RIT2: variants seen among roughly 807,000 people sequenced by gnomAD.
RIT2 encodes the protein GTP-binding protein Rit2.
Under a neutral mutation model 23.7 loss-of-function variants are expected in RIT2, and 24 were observed. That is an observed-to-expected ratio of 1.01 (90% CI 0.73 to 1.43). The LOEUF (loss-of-function observed/expected upper bound fraction) is 1.43. Among genes scored for constraint, RIT2 ranks in the 40% most tolerant of loss-of-function variants. The pLI, the probability that RIT2 is intolerant of heterozygous loss-of-function variation, is 0.00. For synonymous variants in RIT2, 107 were observed against 91.1 expected, an observed-to-expected ratio of 1.17 and a Z score of -0.99; for missense variants, 236 against 266.9, an observed-to-expected ratio of 0.88 and a Z score of 0.81.
At chr18:42,945,679 T>A (rs569670320) in intron 3 of RIT2, among the ~76,000 whole-genome samples, 17 of 152,248 alleles carry the variant, frequency 1.1e-4, no homozygotes, top group Admixed American at 1.1e-3. Flanking sequence ...CTTTTTTAAA[T>A]TTCTGTTCTC....
intron 4 of RIT2, among the ~76,000 whole-genome samples, chr18:42,849,654 G>C (rs913106694): frequency 6.6e-6 from 1 of 152,162 alleles, no homozygotes; most frequent in South Asian, 2.1e-4. Context: ...TCAACAATCA[G>C]AAAAATGTGA....
chr18:42,898,772 T>C (rs868776471), intron 4 of RIT2, among the ~76,000 whole-genome samples: 29 of 152,338 alleles, frequency 1.9e-4, no homozygotes, highest in Admixed American at 6.5e-4. Flanking sequence ...TTGTCTATTA[T>C]GACAGACAAA....
At chr18:43,064,752 A>G (rs1912730734) in intron 1 of RIT2, among the ~76,000 whole-genome samples, 1 of 152,182 alleles carries the variant, frequency 6.6e-6, no homozygotes, top group South Asian at 2.1e-4. Context: ...GCCAGACATC[A>G]CTTTACCTAA....
At chr18:42,837,477 A>T (rs1038771189) in intron 4 of RIT2, among the ~76,000 whole-genome samples, 4 of 151,840 alleles carry the variant, frequency 2.6e-5, no homozygotes, top group African/African-American at 9.7e-5. Context: ...TCTTTTTTAA[A>T]AAAAAAAATG....
intron 1 of RIT2, among the ~76,000 whole-genome samples, chr18:43,053,037 T>C (rs1176029452): frequency 6.6e-6 from 1 of 152,064 alleles, no homozygotes; most frequent in Non-Finnish European, 1.5e-5. Flanking sequence ...GGAAACACTA[T>C]TTGAATCCAG....
At chr18:42,908,096 A>G (rs2144115482) in intron 4 of RIT2, among the ~76,000 whole-genome samples, 1 of 152,050 alleles carries the variant, frequency 6.6e-6, no homozygotes, top group East Asian at 1.9e-4. Flanking sequence ...AAAGAATCTA[A>G]TAGAAATTGT....
chr18:42,850,986 T>C (rs1362419981), intron 4 of RIT2, among the ~76,000 whole-genome samples: 1 of 152,218 alleles, frequency 6.6e-6, no homozygotes, highest in African/African-American at 2.4e-5. Flanking sequence ...ATTTTTCATA[T>C]CTTCCACATT....
intron 3 of RIT2, among the ~76,000 whole-genome samples, chr18:42,929,034 G>GAGATATATATATATATAT (rs1555647353): frequency 2.2e-4 from 21 of 96,942 alleles, no homozygotes; most frequent in South Asian, 3.5e-4. Context: ...AAAATATGGA[G>GAGATATATATATATATAT]ATATATATAT....
chr18:42,810,168 G>A (rs946503571), intron 4 of RIT2, among the ~76,000 whole-genome samples: 1 of 150,380 alleles, frequency 6.6e-6, no homozygotes, highest in African/African-American at 2.4e-5. Context: ...TCTAAAGAAA[G>A]AGATTATTTA....
chr18:42,785,654 T>C (rs538445), intron 4 of RIT2, among the ~76,000 whole-genome samples: 68,229 of 151,994 alleles, frequency 0.45, 18,728 homozygotes, highest in Non-Finnish European at 0.61. Context: ...TTTGAGCATA[T>C]GTGGAACTCA....
chr18:43,025,018 G>T (rs183241594), intron 2 of RIT2, among the ~76,000 whole-genome samples: 1 of 151,958 alleles, frequency 6.6e-6, no homozygotes. Flanking sequence ...AACTAGTCTG[G>T]CCAACATGGC....
At chr18:42,747,285 C>T (rs1912940271) in intron 4 of RIT2, among the ~76,000 whole-genome samples, 1 of 151,762 alleles carries the variant, frequency 6.6e-6, no homozygotes, top group Non-Finnish European at 1.5e-5. Context: ...AATAAGATAA[C>T]CTGTTTTACA....
intron 2 of RIT2, among the ~76,000 whole-genome samples, chr18:42,995,836 C>G (rs975671861): frequency 6.6e-6 from 1 of 152,140 alleles, no homozygotes; most frequent in African/African-American, 2.4e-5. Context: ...AACTTGTCAT[C>G]TCTACTATCT....
chr18:43,092,822 A>G (rs1438085171), intron 1 of RIT2, among the ~76,000 whole-genome samples: 2 of 152,064 alleles, frequency 1.3e-5, no homozygotes, highest in African/African-American at 4.8e-5. Context: ...CATGGCTGAA[A>G]CGTAGGTTCT....
At chr18:42,876,827 G>A (rs905635850) in intron 4 of RIT2, among the ~76,000 whole-genome samples, 1 of 151,482 alleles carries the variant, frequency 6.6e-6, no homozygotes, top group Admixed American at 6.6e-5. Flanking sequence ...TTGATATTTT[G>A]TGAAAATGAG....
intron 3 of RIT2, among the ~76,000 whole-genome samples, chr18:42,930,524 T>A (rs899807777): frequency 1.3e-5 from 2 of 152,094 alleles, no homozygotes; most frequent in Admixed American, 6.6e-5. Flanking sequence ...TTGATACCAC[T>A]GCCTCGCCAA....
intron 4 of RIT2, among the ~76,000 whole-genome samples, chr18:42,763,580 C>T (rs1401299179): frequency 6.6e-6 from 1 of 152,092 alleles, no homozygotes; most frequent in Non-Finnish European, 1.5e-5. Flanking sequence ...TAGGACATCT[C>T]TGTACATCAT....
At chr18:42,784,192 C>G (rs914126880) in intron 4 of RIT2, among the ~76,000 whole-genome samples, 6 of 151,214 alleles carry the variant, frequency 4.0e-5, no homozygotes, top group Non-Finnish European at 7.4e-5. Flanking sequence ...GCATATTTTT[C>G]AAGGCCAAAC....
chr18:43,097,419 G>A (rs563459125), intron 1 of RIT2, among the ~76,000 whole-genome samples: 1 of 152,034 alleles, frequency 6.6e-6, no homozygotes, highest in Non-Finnish European at 1.5e-5. Flanking sequence ...ACAGCGAAAA[G>A]TAGAAATACT....
Sources: allele counts gnomAD v4.1 joint callset (sites outside exome capture counted in the v4.1 genomes callset), GRCh38; gene constraint gnomAD v4.1.1; transcripts MANE v1.5; gene names NCBI Gene and HGNC (gene_info 2026-07-23, HGNC 2026-07-21).